The following TWF1 variants were observed in gnomAD, a reference collection of about 807,000 sequenced individuals.
TWF1 encodes twinfilin-1.
A neutral mutation model predicts 47.9 loss-of-function variants in TWF1; 14 were observed. The ratio of observed to expected loss-of-function variants is 0.29; its 90% CI spans 0.19 to 0.46. TWF1 has a LOEUF of 0.46. Ranked by LOEUF, TWF1 falls within the 20% of genes least tolerant of loss-of-function variation. The probability of loss-of-function intolerance (pLI) is 1.00; values close to 1 mark genes in which losing one functional copy is unlikely to be tolerated. For missense variants in TWF1, 281 were observed against 409.3 expected, an observed-to-expected ratio of 0.69 and a Z score of 2.70; for synonymous variants, 96 against 139.2, an observed-to-expected ratio of 0.69 and a Z score of 2.18.
At chr12:43,797,140 C>CATAAACTTCATAAAACTACATAT in intron 7 of TWF1, 43 bp from the exon 8 acceptor site, 2 of 1,526,862 alleles carry the variant, frequency 1.3e-6, no homozygotes, top group African/African-American at 1.4e-5. Context: ...CATATCAATA[C>CATAAACTTCATAAAACTACATAT]ATAAACTTCA....
At chr12:43,801,228 C>T (rs987320289) in intron 3 of TWF1, among the ~76,000 whole-genome samples, 3 of 152,036 alleles carry the variant, frequency 2.0e-5, no homozygotes, top group South Asian at 2.1e-4. Context: ...TCAAAATTCA[C>T]GGCTTACCGA....
In TWF1 at chr12:43,795,436, T is replaced by C. The variant is rs1942531554; in HGVS notation, c.*149A>G. ...AATCATGAGTCTTCTATAACATTAA[T>C]TTTAAAAACACACAGAAGTGAAAAG... On this transcript the variant is annotated 3_prime_UTR_variant, in exon 9 of 9. Transcript: ENST00000395510. 1.6e-6 allele frequency: 1 copy of C among 627,202 alleles called. No homozygotes were observed. The highest frequency in any genetic ancestry group is 2.8e-5 in the East Asian group (1 of 36,032). 38.9% of individuals were successfully genotyped at this position (627,202 alleles called of 1,614,324 possible).
intron 1 of TWF1, 187 bp downstream of exon 1, chr12:43,806,034 G>C: frequency 6.6e-7 from 1 of 1,521,120 alleles, no homozygotes; most frequent in Non-Finnish European, 8.8e-7. Context: ...GACCGGGCTG[G>C]AGGAGGACGC....
chr12:43,802,202 T>G (rs996517217), intron 3 of TWF1, 84 bp downstream of exon 3: 2 of 904,490 alleles, frequency 2.2e-6, no homozygotes, highest in African/African-American at 3.5e-5. Flanking sequence ...ATAATTATTG[T>G]TTTTTAACCT....
At chr12:43,800,591 C>T in intron 3 of TWF1, 61 bp from the exon 4 acceptor site, 1 of 1,313,474 alleles carries the variant, frequency 7.6e-7, no homozygotes, top group South Asian at 1.2e-5. Context: ...CAAAAGCAAG[C>T]ACATTCTGAA....
rs767247411 is a variant in TWF1 at position 43,797,694 on chromosome 12, T to C, written c.609+14A>G. ...AAAAGAGCAGCCACTTAATAATCAT[T>C]ATACATCTCTTACCAACTGCACATA... On this transcript the variant is annotated intron_variant, in intron 6 of 8. Transcript: ENST00000395510. 1 of 1,610,182 alleles carries C rather than the reference T, an allele frequency of 6.2e-7. No individual in the cohort carries two copies. The highest frequency in any genetic ancestry group is 1.3e-5 in the African/African-American group (1 of 74,780).
chr12:43,804,879 T>G (rs1303030123), intron 1 of TWF1, among the ~76,000 whole-genome samples: 1 of 152,244 alleles, frequency 6.6e-6, no homozygotes, highest in East Asian at 1.9e-4. Context: ...ATTACAATTT[T>G]GAAAAACTTT....
chr12:43,806,077 AG>A, intron 1 of TWF1, 143 bp downstream of exon 1: 2 of 1,517,524 alleles, frequency 1.3e-6, no homozygotes, highest in Non-Finnish European at 1.8e-6. Context: ...AGGAGCGCGG[AG>A]AGGCGCCGAG....
rs565736335 is a variant in TWF1, at chr12:43,800,451, A to G, written c.362T>C (p.Val121Ala). Residue 121 changes from valine (V) to alanine (A), a missense_variant, in exon 4 of 9, where the codon GTA (valine) becomes GCA (alanine). Coordinates refer to ENST00000395510, the MANE Select transcript of TWF1 (RefSeq NM_002822.5). Reference sequence around the variant, plus strand: ...ACATAATACCTTTACTGTTCCAAATACTTCATCTTTAATGTGGCCACCTCC... The same window carrying G: ...ACATAATACCTTTACTGTTCCAAATGCTTCATCTTTAATGTGGCCACCTCC... ...EFGGGHIKDE[V>A]FGTVKEDVSL... 4 of 1,612,870 alleles carry G rather than the reference A, an allele frequency of 2.5e-6. No individual in the cohort carries two copies. Among genetic ancestry groups the G allele is most frequent in the Admixed American group, 1.7e-5 (1 of 59,980 alleles).
chr12:43,803,969 CCT>C (rs1374676517), intron 2 of TWF1, among the ~76,000 whole-genome samples: 9 of 152,012 alleles, frequency 5.9e-5, no homozygotes, highest in African/African-American at 1.4e-4. Flanking sequence ...AACCAGATTC[CCT>C]GTTTACAGAA....
At chr12:43,797,512 C>A in intron 6 of TWF1, 60 bp from the exon 7 acceptor site, 1 of 1,426,488 alleles carries the variant, frequency 7.0e-7, no homozygotes, top group Non-Finnish European at 9.4e-7. Context: ...TAAGTTAAAA[C>A]ATATAATAAA....
chr12:43,798,691 T>C, intron 5 of TWF1: 1 of 1,208,128 alleles, frequency 8.3e-7, no homozygotes, highest in Non-Finnish European at 1.1e-6. Flanking sequence ...GATAGATCCT[T>C]GCTACCAGTT....
chr12:43,806,164 G>T, intron 1 of TWF1, 57 bp downstream of exon 1: 1 of 1,535,234 alleles, frequency 6.5e-7, no homozygotes, highest in Non-Finnish European at 8.7e-7. Context: ...CAGCCCTCCC[G>T]GCTCTCCCGG....
chr12:43,793,872 G>A lies in TWF1; in HGVS notation c.*1713C>T, dbSNP rs899018176. 7 of 152,648 alleles carry A rather than the reference G, an allele frequency of 4.6e-5. No individual in the cohort carries two copies. Among genetic ancestry groups the A allele is most frequent in the South Asian group, 2.1e-4 (1 of 4,822 alleles). The allele number at this position is 152,648 out of a possible 1,614,324, so 9.5% of individuals were successfully genotyped here. A position where few individuals can be genotyped will look rare whatever the true frequency, so the allele number is the denominator to read the frequency against. On this transcript the variant is annotated 3_prime_UTR_variant, in exon 9 of 9. Coordinates refer to ENST00000395510, the MANE Select transcript of TWF1 (RefSeq NM_002822.5). ...CTGCCAACTAAAACATACTGTAAAC[G>A]ATGAGTTATACTCTATAACAAATGC...
chr12:43,796,827 T>C (rs6582484), intron 8 of TWF1, 149 bp downstream of exon 8: 127,494 of 768,710 alleles, frequency 0.17, 12,746 homozygotes, highest in African/African-American at 0.38. Flanking sequence ...GACAGGTAGT[T>C]CCCAGGCACT....
chr12:43,795,845 C>A (rs902363130), intron 8 of TWF1, 90 bp from the exon 9 acceptor site: 31 of 1,299,680 alleles, frequency 2.4e-5, no homozygotes, highest in Non-Finnish European at 3.2e-5. Flanking sequence ...ACAAATAATA[C>A]CCTTTCCAGT....
chr12:43,795,684 T>G lies in TWF1; in HGVS notation c.954A>C (p.Ala318=). The change falls in exon 9 of 9, where the codon GCA becomes GCC. Residue 318 remains alanine, a synonymous_variant. Coordinates refer to ENST00000395510, the MANE Select transcript of TWF1 (RefSeq NM_002822.5). ...LYEEVHPKQH[A]HKQSFAKPKG... ...TTGGTTTTGCAAAACTTTGCTTGTG[T>G]GCATGCTGCTTGGGATGTACTTCTT... 6.2e-7 allele frequency: 1 copy of G among 1,613,908 alleles called. No individual in the cohort carries two copies. The highest frequency in any genetic ancestry group is 8.5e-7 in the Non-Finnish European group (1 of 1,179,884).
chr12:43,805,319 G>A (rs1169333823), intron 1 of TWF1, among the ~76,000 whole-genome samples: 1 of 152,160 alleles, frequency 6.6e-6, no homozygotes, highest in African/African-American at 2.4e-5. Flanking sequence ...AAAGTTTTCA[G>A]ATTTGAGACT....
At chr12:43,799,048 C>T (rs1025543460) in intron 5 of TWF1, among the ~76,000 whole-genome samples, 3 of 151,978 alleles carry the variant, frequency 2.0e-5, no homozygotes, top group African/African-American at 7.2e-5. Flanking sequence ...CTGCTTCAGG[C>T]AACCTTATTA....
Sources: allele counts gnomAD v4.1 joint callset (sites outside exome capture counted in the v4.1 genomes callset), GRCh38; gene constraint gnomAD v4.1.1; transcripts MANE v1.5; gene names NCBI Gene and HGNC (gene_info 2026-07-23, HGNC 2026-07-21).